The following DNMT3B variants were observed in gnomAD, a reference collection of about 807,000 sequenced individuals.
DNMT3B encodes the protein DNA methyltransferase 3 beta.
In DNMT3B, 37 loss-of-function variants were observed where a neutral mutation model predicts 120.2. That is an observed-to-expected ratio of 0.31 (90% CI 0.24 to 0.40). The LOEUF is 0.40. DNMT3B is among the 10% of genes least tolerant of loss of function. DNMT3B has a pLI of 1.00. For synonymous variants in DNMT3B, 412 were observed against 442.8 expected (o/e 0.93, Z 0.87); for missense variants, 878 against 1,137.3 (o/e 0.77, Z 3.28).
rs949980051 is a variant in DNMT3B, at chr20:32,781,864, T to C, written c.204+450T>C. On this transcript the variant is annotated intron_variant, in intron 3 of 22. Transcript: ENST00000328111. ...CCTGCCTGTTAGTCACTTGTAGCCG[T>C]CTCCGTGATCAGATCAGTTGCAGTA... 6.6e-5 allele frequency among the ~76,000 whole-genome samples: 10 copies of C among 152,312 alleles called. 1 individual carries two copies. Among genetic ancestry groups the C allele is most frequent in the Admixed American group, 6.5e-4 (10 of 15,298 alleles).
Position 32,770,774 on chromosome 20 carries a change from G to A in DNMT3B, c.-7+8075G>A, listed in dbSNP as rs557119825. Among the ~76,000 whole-genome samples, 19 of 152,106 alleles carry A rather than the reference G, an allele frequency of 1.2e-4. No homozygotes were observed. The South Asian group carries it at 3.7e-3, about 30-fold the overall frequency. ...ATTACAGGCATGTGCCACCATGCCC[G>A]GCTAATTTTGTATTTTTAGTGGAAA... is the stretch of plus-strand genomic sequence containing the variant. On this transcript the variant is annotated intron_variant, in intron 1 of 22. Transcript: ENST00000328111.
chr20:32,786,905 A>C (rs1452955609), intron 5 of DNMT3B, among the ~76,000 whole-genome samples: 1 of 152,226 alleles, frequency 6.6e-6, no homozygotes, highest in Non-Finnish European at 1.5e-5. Context: ...AAACACTGAC[A>C]TCCAGAACTG....
chr20:32,781,225 C>T (rs1002563562), intron 2 of DNMT3B, 128 bp from the exon 3 acceptor site: 1 of 905,494 alleles, frequency 1.1e-6, no homozygotes. Context: ...GAGAGCAAAT[C>T]CCTGTGGCTG....
intron 1 of DNMT3B, among the ~76,000 whole-genome samples, chr20:32,770,654 C>A (rs1374237359): frequency 1.3e-5 from 2 of 149,858 alleles, no homozygotes; most frequent in Non-Finnish European, 3.0e-5. Context: ...CGCTCTTTGC[C>A]CAGGCTGGAG....
intron 1 of DNMT3B, among the ~76,000 whole-genome samples, chr20:32,776,244 A>T (rs1988067438): frequency 6.6e-6 from 1 of 152,030 alleles, no homozygotes; most frequent in African/African-American, 2.4e-5. Flanking sequence ...AAAAAAAAAA[A>T]AAATCCATGG....
At chr20:32,797,357 TGCAGTCTGCAGACA>T (rs1237061873) in intron 14 of DNMT3B, 58 bp downstream of exon 14, 3 of 1,518,702 alleles carry the variant, frequency 2.0e-6, no homozygotes, top group African/African-American at 2.7e-5. Context: ...CCTACGTTCC[TGCAGTCTGCAGACA>T]GCTGTCTGTT....
At chr20:32,797,614 C>T (rs1033204464) in intron 14 of DNMT3B, among the ~76,000 whole-genome samples, 1 of 152,064 alleles carries the variant, frequency 6.6e-6, no homozygotes, top group African/African-American at 2.4e-5. Context: ...CCACCTCAGC[C>T]TCCTGAACAG....
intron 20 of DNMT3B, among the ~76,000 whole-genome samples, chr20:32,803,705 A>G (rs1362407400): frequency 6.6e-6 from 1 of 152,178 alleles, no homozygotes; most frequent in Non-Finnish European, 1.5e-5. Context: ...GGATGGACCC[A>G]TGCAGTTATT....
At chr20:32,792,579 G>A (rs752933235) in intron 8 of DNMT3B, 47 bp from the exon 9 acceptor site, 4 of 1,613,528 alleles carry the variant, frequency 2.5e-6, no homozygotes, top group East Asian at 2.2e-5. Context: ...GGCCTGGCGA[G>A]CACCTCCTCC....
chr20:32,783,452 T>C (rs1206759307), intron 3 of DNMT3B, among the ~76,000 whole-genome samples: 1 of 152,198 alleles, frequency 6.6e-6, no homozygotes, highest in Non-Finnish European at 1.5e-5. Flanking sequence ...TGACACCGTC[T>C]GTTTCCTAAT....
chr20:32,779,983 A>G, intron 1 of DNMT3B: 2 of 1,205,530 alleles, frequency 1.7e-6, no homozygotes, highest in Admixed American at 2.0e-5. Context: ...GGGCCGGGAC[A>G]GGCAGGTCCT....
intron 1 of DNMT3B, among the ~76,000 whole-genome samples, chr20:32,778,364 C>CAA (rs10633411): frequency 0.39 from 53,619 of 137,660 alleles, 10,962 homozygotes; most frequent in East Asian, 0.9. Context: ...GACTCTGTCT[C>CAA]AAAAAAAAAA....
chr20:32,782,321 A>G (rs1313773393), intron 3 of DNMT3B, among the ~76,000 whole-genome samples: 2 of 152,234 alleles, frequency 1.3e-5, no homozygotes, highest in Non-Finnish European at 2.9e-5. Flanking sequence ...CATTTACTTC[A>G]AGTAAGGGAT....
At chr20:32,796,639 G>A (rs1601115021) in intron 12 of DNMT3B, 151 bp from the exon 13 acceptor site, 2 of 801,258 alleles carry the variant, frequency 2.5e-6, no homozygotes, top group African/African-American at 3.4e-5. Flanking sequence ...ATTGTTGAGT[G>A]GTAGAAGCTG....
intron 20 of DNMT3B, 72 bp downstream of exon 20, chr20:32,802,542 C>T: frequency 4.0e-6 from 6 of 1,483,946 alleles, no homozygotes; most frequent in Non-Finnish European, 5.7e-6. Flanking sequence ...GACATTCAAG[C>T]CTTCCTAGAA....
At chr20:32,806,842 T>C (rs1477426341) in intron 22 of DNMT3B, among the ~76,000 whole-genome samples, 4 of 152,272 alleles carry the variant, frequency 2.6e-5, no homozygotes, top group African/African-American at 9.6e-5. Flanking sequence ...TTATACTATT[T>C]TTTAAAAATC....
At chr20:32,768,725 T>A (rs1308795599) in intron 1 of DNMT3B, among the ~76,000 whole-genome samples, 1 of 152,084 alleles carries the variant, frequency 6.6e-6, no homozygotes, top group Admixed American at 6.6e-5. Flanking sequence ...CTAACTAGGG[T>A]CCCACTGAGC....
At chr20:32,802,241 C>T in intron 19 of DNMT3B, 144 bp from the exon 20 acceptor site, 1 of 853,538 alleles carries the variant, frequency 1.2e-6, no homozygotes, top group African/African-American at 1.7e-5. Context: ...TCTAGCCAGC[C>T]TCCTGATGGC....
In DNMT3B at chr20:32,766,510, C is replaced by T. The variant is rs6119282; in HGVS notation, c.-7+3811C>T. Among the ~76,000 whole-genome samples, 1,271 of 152,258 alleles carry T rather than the reference C, an allele frequency of 8.3e-3. 13 individuals carry two copies. The highest frequency in any genetic ancestry group is 0.029 in the African/African-American group (1,217 of 41,534). ...AGGTGTGAGCTACCACACATGGCCTCTAGGTCACTTTTCACTCAGATTTTT... is the reference window on the plus strand; with the variant it reads ...AGGTGTGAGCTACCACACATGGCCTTTAGGTCACTTTTCACTCAGATTTTT... On this transcript the variant is annotated intron_variant, in intron 1 of 22. Transcript: ENST00000328111.
Sources: gnomAD v4.1 joint callset for allele counts (sites outside exome capture counted in the v4.1 genomes callset) on GRCh38, gnomAD v4.1.1 for gene constraint, MANE v1.5 for transcripts, NCBI Gene and HGNC (gene_info 2026-07-23, HGNC 2026-07-21) for gene names.